TPM1: variants seen among roughly 807,000 people sequenced by gnomAD.
TPM1 encodes tropomyosin alpha-1 chain.
In TPM1, 24 loss-of-function variants were observed where a neutral mutation model predicts 42.9. That is an observed-to-expected ratio of 0.56 (90% CI 0.41 to 0.79). TPM1 has a LOEUF of 0.79. TPM1 is among the 30% of genes least tolerant of loss of function. TPM1 has a pLI of 0.00. For synonymous variants in TPM1, 136 were observed against 130.1 expected, an observed-to-expected ratio of 1.05 and a Z score of -0.31; for missense variants, 158 against 351.8, an observed-to-expected ratio of 0.45 and a Z score of 4.41.
chr15:63,065,980 C>A lies in TPM1; in HGVS notation c.*81C>A. ...TCTGAGCTCTGCATTTGTCTATTCT[C>A]CAGCTGACCCTGGTTCTCTCTCTTA... On this transcript the variant is annotated 3_prime_UTR_variant, in exon 10 of 10. Coordinates refer to ENST00000403994, the MANE Select transcript of TPM1 (RefSeq NM_001018005.2). The A allele has an allele frequency of 6.3e-7, 1 of 1,580,664 alleles. No homozygotes were observed. Among genetic ancestry groups the A allele is most frequent in the East Asian group, 2.3e-5 (1 of 43,598 alleles).
At chr15:63,056,870 G>C in intron 2 of TPM1, 115 bp from the exon 3 acceptor site, 1 of 1,415,816 alleles carries the variant, frequency 7.1e-7, no homozygotes. Flanking sequence ...CTTAAAGGTA[G>C]CTCACCACAA....
intron 2 of TPM1, among the ~76,000 whole-genome samples, chr15:63,053,983 GT>G (rs574436453): frequency 4.0e-5 from 6 of 148,716 alleles, no homozygotes; most frequent in Admixed American, 1.3e-4. Flanking sequence ...CCAGCTGAAA[GT>G]TTTTTTTTTA....
intron 2 of TPM1, 73 bp from the exon 3 acceptor site, chr15:63,056,912 G>T (rs1413254711): frequency 6.2e-7 from 1 of 1,604,680 alleles, no homozygotes; most frequent in East Asian, 2.2e-5. Flanking sequence ...CAGCATTGCA[G>T]TCCCAGCCAT....
At chr15:63,053,518 G>A (rs1057013385) in intron 2 of TPM1, among the ~76,000 whole-genome samples, 1 of 152,090 alleles carries the variant, frequency 6.6e-6, no homozygotes, top group Non-Finnish European at 1.5e-5. Context: ...CAGGGTCAGA[G>A]TTCCCTCCTG....
At chr15:63,064,891 C>G in intron 9 of TPM1, 1 of 680,572 alleles carries the variant, frequency 1.5e-6, no homozygotes, top group South Asian at 6.6e-5. Flanking sequence ...GGCATGAACC[C>G]GGGAGGTGGA....
At position 63,056,973 on chromosome 15, in the gene TPM1, C is replaced by G. The variant is rs1288426627; in HGVS notation, c.241-12C>G. ...CTCCCCAACTCTGAAATGCTTTTCACTCTCTACCTAGGCTGAAGCCGACGT... is the reference window on the plus strand; with the variant it reads ...CTCCCCAACTCTGAAATGCTTTTCAGTCTCTACCTAGGCTGAAGCCGACGT... On this transcript the variant is annotated splice_polypyrimidine_tract_variant and intron_variant, in intron 2 of 9. Coordinates refer to ENST00000403994, the MANE Select transcript of TPM1 (RefSeq NM_001018005.2). The G allele has an allele frequency of 6.2e-7, 1 of 1,614,170 alleles. No individual in the cohort carries two copies. The highest frequency in any genetic ancestry group is 1.7e-5 in the Admixed American group (1 of 60,022).
intron 2 of TPM1, among the ~76,000 whole-genome samples, chr15:63,051,693 C>G (rs1379135108): frequency 6.6e-6 from 1 of 152,196 alleles, no homozygotes; most frequent in East Asian, 1.9e-4. Flanking sequence ...CCAAGTTCCA[C>G]TCCAGTTCAG....
intron 2 of TPM1, chr15:63,048,257 C>T: frequency 1.9e-6 from 1 of 528,416 alleles, no homozygotes; most frequent in Non-Finnish European, 3.5e-6. Context: ...GAGCGCCCAG[C>T]TCACCAGGTA....
intron 9 of TPM1, 138 bp from the exon 10 acceptor site, chr15:63,065,758 G>A: frequency 2.9e-6 from 4 of 1,377,216 alleles, no homozygotes; most frequent in Non-Finnish European, 3.9e-6. Context: ...CCAAGGGTGT[G>A]GCTGGCAGTG....
chr15:63,071,119 C>G (rs769782540), downstream of TPM1: 2 of 1,614,158 alleles, frequency 1.2e-6, no homozygotes, highest in Non-Finnish European at 1.7e-6. Flanking sequence ...AGAAGAAAAC[C>G]TTAGTATGCA....
At chr15:63,046,460 TA>T (rs1451810954) in intron 2 of TPM1, 1 of 152,228 alleles carries the variant, frequency 6.6e-6, no homozygotes, top group Non-Finnish European at 1.5e-5. Flanking sequence ...TTCACCAGTG[TA>T]AAACACTTTT....
At chr15:63,048,850 C>T (rs1442214154) in intron 2 of TPM1, 6 of 1,159,132 alleles carry the variant, frequency 5.2e-6, no homozygotes, top group Non-Finnish European at 6.2e-6. Context: ...CCTGGGCCAG[C>T]TGGCGGCGGG....
chr15:63,043,282 G>T, intron 1 of TPM1: 1 of 514,834 alleles, frequency 1.9e-6, no homozygotes, highest in Non-Finnish European at 3.7e-6. Context: ...GGCGAGGGAT[G>T]GAGAAAGGGG....
At chr15:63,067,347 A>G (rs1203590253), downstream of TPM1, among the ~76,000 whole-genome samples, 1 of 152,234 alleles carries the variant, frequency 6.6e-6, no homozygotes, top group Non-Finnish European at 1.5e-5. Flanking sequence ...TTGAGTTTAT[A>G]AAGACTTCCA....
intron 2 of TPM1, among the ~76,000 whole-genome samples, chr15:63,050,955 C>G (rs1032208199): frequency 6.6e-6 from 1 of 152,046 alleles, no homozygotes; most frequent in African/African-American, 2.4e-5. Flanking sequence ...ATTAATAGGC[C>G]CTATTAAACC....
chr15:63,064,620 C>CA (rs1163437105), intron 9 of TPM1: 32 of 1,026,030 alleles, frequency 3.1e-5, no homozygotes, highest in Non-Finnish European at 3.6e-5. Flanking sequence ...TGGCATGATC[C>CA]AATACAGCTT....
At chr15:63,048,261 C>T (rs867714813) in intron 2 of TPM1, 31 of 540,666 alleles carry the variant, frequency 5.7e-5, no homozygotes, top group African/African-American at 4.9e-4. Context: ...GCCCAGCTCA[C>T]CAGGTACCCC....
downstream of TPM1, chr15:63,071,127 G>A: frequency 1.2e-6 from 2 of 1,614,088 alleles, no homozygotes; most frequent in Non-Finnish European, 1.7e-6. Context: ...ACCTTAGTAT[G>A]CATCAGATGC....
At chr15:63,071,470 A>G (rs1566977873) in exon 9 of TPM1, 1 of 382,152 alleles carries the variant, frequency 2.6e-6, no homozygotes. Context: ...GTTCCATTCA[A>G]AGTGCCAATG....
Sources: gnomAD v4.1 joint callset for allele counts (sites outside exome capture counted in the v4.1 genomes callset) on GRCh38, gnomAD v4.1.1 for gene constraint, MANE v1.5 for transcripts, NCBI Gene and HGNC (gene_info 2026-07-23, HGNC 2026-07-21) for gene names.